C5: variants seen among roughly 807,000 people sequenced by gnomAD.
C5 encodes the protein complement C5.
A neutral mutation model predicts 218.8 loss-of-function variants in C5; 140 were observed. The observed-to-expected ratio is 0.64, with a 90% CI of 0.56 to 0.74. C5 has a LOEUF of 0.74. Among genes scored for constraint, C5 ranks in the 30% least tolerant of loss-of-function variants. The probability of loss-of-function intolerance (pLI) is 0.00; values close to 1 mark genes in which losing one functional copy is unlikely to be tolerated. For missense variants in C5, 1,700 were observed against 1,969.6 expected (o/e 0.86, Z 2.59); for synonymous variants, 614 against 682.3 (o/e 0.90, Z 1.56).
intron 17 of C5, among the ~76,000 whole-genome samples, chr9:121,010,073 A>C (rs2047249187): frequency 6.6e-6 from 1 of 152,244 alleles, no homozygotes; most frequent in Admixed American, 6.5e-5. Flanking sequence ...CTTGAGGGGC[A>C]GTCTAGGCCA....
intron 16 of C5, among the ~76,000 whole-genome samples, chr9:121,014,876 G>C (rs899049637): frequency 6.6e-6 from 1 of 152,208 alleles, no homozygotes; most frequent in East Asian, 1.9e-4. Context: ...CATGGATTTT[G>C]TCAGAATAAA....
chr9:121,035,076 C>T (rs959447743), intron 4 of C5, among the ~76,000 whole-genome samples, 182 bp from the exon 5 acceptor site: 6 of 152,100 alleles, frequency 3.9e-5, no homozygotes, highest in Admixed American at 3.3e-4. Flanking sequence ...AAATATGGTT[C>T]ATTTCAGCCA....
intron 20 of C5, among the ~76,000 whole-genome samples, chr9:120,998,376 A>G (rs1161839242): frequency 6.6e-6 from 1 of 152,222 alleles, no homozygotes; most frequent in African/African-American, 2.4e-5. Flanking sequence ...TTGTGATAGC[A>G]CTTATTACCC....
At chr9:121,050,372 G>T (rs1310885285), upstream of C5, 10 of 813,126 alleles carry the variant, frequency 1.2e-5, no homozygotes, top group Non-Finnish European at 2.1e-5. Flanking sequence ...ACCTCTAAGT[G>T]GGAAAACTAG....
intron 15 of C5, among the ~76,000 whole-genome samples, chr9:121,015,588 T>C (rs1363087613): frequency 6.6e-6 from 1 of 152,200 alleles, no homozygotes; most frequent in Non-Finnish European, 1.5e-5. Context: ...ATGCTATTTT[T>C]ATTATTTGCT....
chr9:121,037,056 C>T (rs968593332), intron 4 of C5, among the ~76,000 whole-genome samples: 4 of 151,794 alleles, frequency 2.6e-5, no homozygotes, highest in South Asian at 2.1e-4. Context: ...CAATGCACAG[C>T]GTCTGTTACA....
chr9:121,042,911 T>G, intron 3 of C5, 93 bp downstream of exon 3: 1 of 991,350 alleles, frequency 1.0e-6, no homozygotes, highest in South Asian at 1.4e-5. Flanking sequence ...AAGAAACCGA[T>G]CTCCACTCAA....
At chr9:121,042,898 A>T in intron 3 of C5, 106 bp downstream of exon 3, 1 of 887,980 alleles carries the variant, frequency 1.1e-6, no homozygotes, top group Non-Finnish European at 1.8e-6. Flanking sequence ...TGAGCAAATT[A>T]AAAAGAAACC....
the C5 span, among the ~76,000 whole-genome samples, chr9:121,069,714 A>G: frequency 1.3e-5 from 2 of 152,052 alleles, no homozygotes; most frequent in African/African-American, 2.4e-5. Context: ...AGGTCTCACT[A>G]TCTTCTCCAG....
In C5 at chr9:121,025,516, T is replaced by C. The variant is rs1564157537; in HGVS notation, c.938A>G (p.Tyr313Cys). The change falls in exon 9 of 41, where the codon TAC becomes TGC. Residue 313 changes from tyrosine (Y) to cysteine (C), a missense_variant. Coordinates refer to ENST00000223642, the MANE Select transcript of C5 (RefSeq NM_001735.3). ...SETAVKELSY[Y>C]SLEDLNNKYL... ...CTTGTTGTTTAAATCTTCTAAACTG[T>C]AGTATGACAGTTCTTTGACTGCTGT... The C allele has an allele frequency of 6.2e-7, 1 of 1,613,064 alleles. No individual in the cohort carries two copies. The highest frequency in any genetic ancestry group is 1.7e-5 in the Admixed American group (1 of 60,010).
chr9:120,976,642 G>T, intron 29 of C5, 58 bp downstream of exon 29: 1 of 1,366,294 alleles, frequency 7.3e-7, no homozygotes, highest in Non-Finnish European at 1.0e-6. Flanking sequence ...AGATGAGTGT[G>T]GTGGGGGAGA....
At chr9:121,006,300 A>C (rs1471777600) in intron 19 of C5, among the ~76,000 whole-genome samples, 1 of 152,246 alleles carries the variant, frequency 6.6e-6, no homozygotes, top group African/African-American at 2.4e-5. Context: ...TTAAGGCATG[A>C]GAATGTTTAT....
intron 21 of C5, 96 bp from the exon 22 acceptor site, chr9:120,996,396 A>C: frequency 2.7e-6 from 3 of 1,108,892 alleles, no homozygotes; most frequent in Non-Finnish European, 4.1e-6. Context: ...CAAACTAAAA[A>C]ATTATTTTTC....
the C5 span, among the ~76,000 whole-genome samples, chr9:121,066,585 C>CAAAG: frequency 1.3e-5 from 2 of 151,992 alleles, no homozygotes; most frequent in Non-Finnish European, 2.9e-5. Flanking sequence ...TGGGTCATGC[C>CAAAG]TGTAATCCCA....
chr9:120,968,799 C>G (rs1258816533), intron 33 of C5, among the ~76,000 whole-genome samples: 1 of 152,152 alleles, frequency 6.6e-6, no homozygotes, highest in Non-Finnish European at 1.5e-5. Flanking sequence ...AATCACATTT[C>G]TATCCCTCTG....
At chr9:120,977,951 G>C (rs2046965245) in intron 28 of C5, among the ~76,000 whole-genome samples, 1 of 152,046 alleles carries the variant, frequency 6.6e-6, no homozygotes, top group South Asian at 2.1e-4. Flanking sequence ...AAATACTAAA[G>C]TAAAAGATTT....
At chr9:120,963,026 T>C in intron 34 of C5, 59 bp from the exon 35 acceptor site, 1 of 1,295,930 alleles carries the variant, frequency 7.7e-7, no homozygotes, top group South Asian at 1.2e-5. Flanking sequence ...TTTAAATGCA[T>C]TCACCTGTTG....
At chr9:120,989,004 T>G in intron 25 of C5, 42 bp downstream of exon 25, 1 of 1,359,638 alleles carries the variant, frequency 7.4e-7, no homozygotes, top group Non-Finnish European at 1.1e-6. Flanking sequence ...CTTTAGTTAA[T>G]TAACCACTAT....
rs191643271 is a variant in C5 at position 120,997,462 on chromosome 9, T to G, written c.2790+85A>C. The G allele has an allele frequency of 4.4e-4, 453 of 1,029,294 alleles. 1 individual carries two copies. Among genetic ancestry groups the G allele is most frequent in the Non-Finnish European group, 5.9e-4 (396 of 674,098 alleles). 63.8% of individuals were successfully genotyped at this position (1,029,294 alleles called of 1,614,324 possible). On this transcript the variant is annotated intron_variant, in intron 21 of 40. Coordinates refer to ENST00000223642, the MANE Select transcript of C5 (RefSeq NM_001735.3). ...TTAATGCTTAATGTTTCGTTAAATT[T>G]ACACTATTGTTTCTCTCCCCCCCCT...
Sources: allele counts gnomAD v4.1 joint callset (sites outside exome capture counted in the v4.1 genomes callset), GRCh38; gene constraint gnomAD v4.1.1; transcripts MANE v1.5; gene names NCBI Gene and HGNC (gene_info 2026-07-23, HGNC 2026-07-21).